Variants in ALOX5AP observed in about 807,000 individuals in gnomAD.
ALOX5AP encodes arachidonate 5-lipoxygenase-activating protein.
A neutral mutation model predicts 18.5 loss-of-function variants in ALOX5AP; 9 were observed. The ratio of observed to expected loss-of-function variants is 0.49; its 90% CI spans 0.29 to 0.85. The LOEUF (loss-of-function observed/expected upper bound fraction) is 0.85, where lower values mean the gene tolerates loss of function less well. Among genes scored for constraint, ALOX5AP ranks in the 40% least tolerant of loss-of-function variants. ALOX5AP has a pLI of 0.08. For synonymous variants in ALOX5AP, 81 were observed against 78.6 expected, an observed-to-expected ratio of 1.03 and a Z score of -0.16; for missense variants, 172 against 202.5, an observed-to-expected ratio of 0.85 and a Z score of 0.91.
chr13:30,735,219 T>A (rs116609287), upstream of ALOX5AP, among the ~76,000 whole-genome samples: 369 of 152,162 alleles, frequency 2.4e-3, 4 homozygotes, highest in African/African-American at 8.6e-3. Flanking sequence ...TTTGCTGAAG[T>A]CAGAGATGAT....
At chr13:30,742,519 G>T (rs1951775183) in intron 1 of ALOX5AP, 1 of 152,146 alleles carries the variant, frequency 6.6e-6, no homozygotes, top group African/African-American at 2.4e-5. Flanking sequence ...CACAGAGTGG[G>T]TGCAAAGCTC....
intron 1 of ALOX5AP, 86 bp downstream of exon 1, chr13:30,735,761 C>T: frequency 6.8e-7 from 1 of 1,480,756 alleles, no homozygotes; most frequent in Admixed American, 1.8e-5. Flanking sequence ...ACAATTGTGT[C>T]TGTGTGTGCG....
intron 4 of ALOX5AP, among the ~76,000 whole-genome samples, chr13:30,758,411 G>A (rs1336946348): frequency 6.6e-6 from 1 of 152,192 alleles, no homozygotes; most frequent in Non-Finnish European, 1.5e-5. Context: ...GGAATTGCTA[G>A]ATGAGATCCT....
chr13:30,755,558 GGAA>G (rs1245115164), intron 3 of ALOX5AP, among the ~76,000 whole-genome samples: 1 of 152,180 alleles, frequency 6.6e-6, no homozygotes, highest in African/African-American at 2.4e-5. Flanking sequence ...GAGCCACACT[GGAA>G]GAAGAGTTGT....
chr13:30,713,858 G>GCACACGCGCGTGTGTGTGCA (rs1566076369), intron 1 of ALOX5AP: 8 of 1,533,658 alleles, frequency 5.2e-6, no homozygotes, highest in Non-Finnish European at 6.1e-6. Context: ...GTGTGTGTGC[G>GCACACGCGCGTGTGTGTGCA]CGCACACGCG....
At chr13:30,737,053 C>T (rs1031060050) in intron 1 of ALOX5AP, among the ~76,000 whole-genome samples, 2 of 152,238 alleles carry the variant, frequency 1.3e-5, no homozygotes, top group Admixed American at 6.5e-5. Context: ...GCAAAGGTAG[C>T]TGTATGGGTG....
chr13:30,749,249 C>G (rs1173419064), intron 2 of ALOX5AP, among the ~76,000 whole-genome samples: 1 of 152,142 alleles, frequency 6.6e-6, no homozygotes, highest in African/African-American at 2.4e-5. Context: ...GAGCAAATCC[C>G]TTAGACAATT....
chr13:30,755,990 G>T lies in ALOX5AP; in HGVS notation c.288G>T (p.Lys96Asn). The T allele has an allele frequency of 6.2e-7, 1 of 1,614,206 alleles. No individual in the cohort carries two copies. The highest frequency in any genetic ancestry group is 8.5e-7 in the Non-Finnish European group (1 of 1,180,016). ...TGATGTACTTGTTTGTGAGGCAAAAGTACTTTGTCGGTTACCTAGGAGAGA... is the reference window on the plus strand; with the variant it reads ...TGATGTACTTGTTTGTGAGGCAAAATTACTTTGTCGGTTACCTAGGAGAGA... ...AGLMYLFVRQ[K>N]YFVGYLGERT... Residue 96 changes from lysine to asparagine, a missense_variant, in exon 4 of 5, where the codon AAG (lysine) becomes AAT (asparagine). Coordinates refer to ENST00000380490, the MANE Select transcript of ALOX5AP (RefSeq NM_001629.4).
chr13:30,760,796 ACCTGG>A (rs1370398135), intron 4 of ALOX5AP, among the ~76,000 whole-genome samples: 1 of 152,138 alleles, frequency 6.6e-6, no homozygotes, highest in Non-Finnish European at 1.5e-5. Flanking sequence ...GGTGTACAAT[ACCTGG>A]CCCCGAAAGA....
chr13:30,756,710 G>A (rs1951897438), intron 4 of ALOX5AP, among the ~76,000 whole-genome samples: 1 of 150,278 alleles, frequency 6.7e-6, no homozygotes, highest in South Asian at 2.1e-4. Flanking sequence ...CTACTCCATA[G>A]GCTGAGGCTG....
At chr13:30,762,835 T>C (rs1289424433) in intron 4 of ALOX5AP, among the ~76,000 whole-genome samples, 2 of 152,022 alleles carry the variant, frequency 1.3e-5, no homozygotes, top group African/African-American at 4.8e-5. Context: ...TCCTGAGTCA[T>C]TTGGACTTTC....
intron 1 of ALOX5AP, among the ~76,000 whole-genome samples, chr13:30,740,021 G>A (rs917665787): frequency 1.3e-5 from 2 of 152,166 alleles, no homozygotes; most frequent in African/African-American, 4.8e-5. Flanking sequence ...CTCTTTCTGT[G>A]TTTACAGTGT....
intron 1 of ALOX5AP, among the ~76,000 whole-genome samples, chr13:30,718,123 C>T (rs1318979964): frequency 6.6e-6 from 1 of 151,820 alleles, no homozygotes; most frequent in African/African-American, 2.4e-5. Context: ...CCATGCCTGG[C>T]TAATTTTGTA....
At chr13:30,756,068 A>C in intron 4 of ALOX5AP, 43 bp downstream of exon 4, 1 of 1,559,620 alleles carries the variant, frequency 6.4e-7, no homozygotes, top group Non-Finnish European at 8.8e-7. Flanking sequence ...GCGATTCCTG[A>C]TTTTTGAGCA....
At chr13:30,735,456 A>T, upstream of ALOX5AP, 1 of 1,284,216 alleles carries the variant, frequency 7.8e-7, no homozygotes, top group Non-Finnish European at 1.0e-6. Context: ...AAAAAAAAAA[A>T]AAAGGAAGAA....
In ALOX5AP at chr13:30,764,139, C is replaced by A. The variant is rs763007310; in HGVS notation, c.*33C>A. 1 of 1,597,350 alleles carries A rather than the reference C, an allele frequency of 6.3e-7. No individual in the cohort carries two copies. Among genetic ancestry groups the A allele is most frequent in the African/African-American group, 1.3e-5 (1 of 74,540 alleles). ...CTGAATATGGGGTTGGTGTTCTCAT[C>A]TAATCAATACCTACAAGTCATCATA... On this transcript the variant is annotated 3_prime_UTR_variant, in exon 5 of 5. Coordinates refer to ENST00000380490, the MANE Select transcript of ALOX5AP (RefSeq NM_001629.4).
chr13:30,726,360 C>T (rs1045805573), intron 1 of ALOX5AP, among the ~76,000 whole-genome samples: 1 of 152,204 alleles, frequency 6.6e-6, no homozygotes, highest in African/African-American at 2.4e-5. Flanking sequence ...TGACACCAAC[C>T]TAGTACACAG....
chr13:30,753,287 CATTT>C (rs1393412210), intron 3 of ALOX5AP, among the ~76,000 whole-genome samples: 1 of 152,232 alleles, frequency 6.6e-6, no homozygotes, highest in East Asian at 1.9e-4. Flanking sequence ...GTAAGCTCAC[CATTT>C]ATTTCCTATT....
chr13:30,730,282 T>C (rs988012656), intron 1 of ALOX5AP, among the ~76,000 whole-genome samples: 1 of 152,156 alleles, frequency 6.6e-6, no homozygotes, highest in Non-Finnish European at 1.5e-5. Context: ...GAGCTAGCTG[T>C]TCATGGAAGG....
Sources: allele counts gnomAD v4.1 joint callset (sites outside exome capture counted in the v4.1 genomes callset), GRCh38; gene constraint gnomAD v4.1.1; transcripts MANE v1.5; gene names NCBI Gene and HGNC (gene_info 2026-07-23, HGNC 2026-07-21).